The following POU3F3 variants were observed in gnomAD, a reference collection of about 807,000 sequenced individuals.
The protein encoded by POU3F3 is POU class 3 homeobox 3.
A neutral mutation model predicts 8.6 loss-of-function variants in POU3F3; 1 was observed. That is an observed-to-expected ratio of 0.12 (90% CI 0.04 to 0.55). POU3F3 has a LOEUF of 0.55. Ranked by LOEUF, POU3F3 falls within the 20% of genes least tolerant of loss-of-function variation. The pLI is 0.91. For synonymous variants in POU3F3, 418 were observed against 327.4 expected (o/e 1.28, Z -2.99); for missense variants, 577 against 690.7 (o/e 0.84, Z 1.84).
At chr2:104,890,161 G>A in the POU3F3 span, among the ~76,000 whole-genome samples, 1 of 152,148 alleles carries the variant, frequency 6.6e-6, no homozygotes, top group African/African-American at 2.4e-5. Context: ...CGCACTGGGA[G>A]GACAGGGTGG....
At chr2:104,914,475 T>G in the POU3F3 span, among the ~76,000 whole-genome samples, 3 of 152,210 alleles carry the variant, frequency 2.0e-5, no homozygotes, top group Non-Finnish European at 4.4e-5. Context: ...AGACTTCTTT[T>G]TTATGAGGAC....
the POU3F3 span, among the ~76,000 whole-genome samples, chr2:104,907,895 A>T: frequency 6.6e-6 from 1 of 152,252 alleles, no homozygotes; most frequent in African/African-American, 2.4e-5. Context: ...ATAAAGCATG[A>T]TACTATGATA....
chr2:104,910,021 C>G, the POU3F3 span, among the ~76,000 whole-genome samples: 1 of 152,072 alleles, frequency 6.6e-6, no homozygotes, highest in East Asian at 1.9e-4. Flanking sequence ...AACGTCCAAC[C>G]AAGCACTTGA....
chr2:104,896,206 G>A, the POU3F3 span, among the ~76,000 whole-genome samples: 1 of 152,192 alleles, frequency 6.6e-6, no homozygotes, highest in African/African-American at 2.4e-5. Context: ...GTGTTGCTTG[G>A]CCCTCTCATC....
At chr2:104,864,491 G>A in the POU3F3 span, among the ~76,000 whole-genome samples, 4 of 152,292 alleles carry the variant, frequency 2.6e-5, no homozygotes, top group South Asian at 4.1e-4. Flanking sequence ...GAAACCATAA[G>A]TGGAAATATT....
the POU3F3 span, chr2:104,872,667 A>G: frequency 7.5e-6 from 2 of 267,370 alleles, no homozygotes; most frequent in East Asian, 1.3e-4. This position sits in a 1 kb window ranked among gnomAD's most constrained non-coding sequence, Gnocchi z 4.6. Flanking sequence ...GCCCGCGTGC[A>G]GCATTAAATA....
chr2:104,855,316 GGGCGGAGGCGGC>G lies in POU3F3; in HGVS notation c.-186_-175del, dbSNP rs1349001197. Among the ~76,000 whole-genome samples the G allele has an allele frequency of 1.5e-5, 2 of 137,598 alleles. No homozygotes were observed. The highest frequency in any genetic ancestry group is 5.3e-5 in the African/African-American group (2 of 38,010). The allele number at this position is 137,598 out of a possible 152,430, so 90.3% of individuals were successfully genotyped here. A position where few individuals can be genotyped will look rare whatever the true frequency, so the allele number is the denominator to read the frequency against. On this transcript the variant is annotated 5_prime_UTR_variant, in exon 1 of 1. Coordinates refer to ENST00000361360, the MANE Select transcript of POU3F3 (RefSeq NM_006236.3). ...GCCGCGGCGGCGGCGGCGGCGGCGGGGGCGGAGGCGGCGGCGGAGGAGGAGGCGGCGAAGGCG... is the reference window on the plus strand; with the variant it reads ...GCCGCGGCGGCGGCGGCGGCGGCGGGGGCGGAGGAGGAGGCGGCGAAGGCG...
At position 104,855,974 on chromosome 2, in the gene POU3F3, G is replaced by A; in HGVS notation, c.464G>A (p.Arg155His). Residue 155 changes from arginine to histidine, a missense_variant, in exon 1 of 1, where the codon CGC becomes CAC. Physicochemically the swap from Arg to His is conservative, Grantham distance 29 (BLOSUM62 0). This residue lies in a region of POU3F3 where 484 missense variants were observed against 422.6 expected (regional missense o/e 1.15). Transcript: ENST00000361360. Reference sequence around the variant, plus strand: ...CCCGACGTGAAGGGCGGCGCCGGGCGCGACGACCTGCACGCGGGCACAGCG... The same window carrying A: ...CCCGACGTGAAGGGCGGCGCCGGGCACGACGACCTGCACGCGGGCACAGCG... Reference protein sequence around the residue: ...QGPDVKGGAGRDDLHAGTALH... With the variant: ...QGPDVKGGAGHDDLHAGTALH... 1 of 1,037,440 alleles carries A rather than the reference G, an allele frequency of 9.6e-7. No individual in the cohort carries two copies. Among genetic ancestry groups the A allele is most frequent in the South Asian group, 3.1e-5 (1 of 32,096 alleles). The allele number at this position is 1,037,440 out of a possible 1,614,324, so 64.3% of individuals were successfully genotyped here. A position where few individuals can be genotyped will look rare whatever the true frequency, so the allele number is the denominator to read the frequency against.
the POU3F3 span, among the ~76,000 whole-genome samples, chr2:104,925,321 T>A: frequency 1.3e-5 from 2 of 152,134 alleles, no homozygotes; most frequent in Admixed American, 6.5e-5. Flanking sequence ...GAGAATAAGA[T>A]GAGAAGGGTA....
chr2:104,922,711 G>A, the POU3F3 span, among the ~76,000 whole-genome samples: 1 of 152,108 alleles, frequency 6.6e-6, no homozygotes, highest in Admixed American at 6.5e-5. Flanking sequence ...AGTTCCAAAA[G>A]GAGAAAAGAG....
chr2:104,882,918 T>C, the POU3F3 span, among the ~76,000 whole-genome samples: 2 of 152,212 alleles, frequency 1.3e-5, no homozygotes, highest in African/African-American at 4.8e-5. Context: ...AGGATTAGAA[T>C]TGAATACCAG....
the POU3F3 span, among the ~76,000 whole-genome samples, chr2:104,896,746 G>A: frequency 6.6e-6 from 1 of 152,234 alleles, no homozygotes; most frequent in African/African-American, 2.4e-5. Flanking sequence ...TGAAGCCTGA[G>A]TGCTGACCCC....
chr2:104,883,323 G>C, the POU3F3 span, among the ~76,000 whole-genome samples: 1 of 152,222 alleles, frequency 6.6e-6, no homozygotes, highest in Admixed American at 6.5e-5. Context: ...GGGGCTCCAT[G>C]AAACAGCTTA....
At chr2:104,924,677 A>G in the POU3F3 span, among the ~76,000 whole-genome samples, 2 of 152,176 alleles carry the variant, frequency 1.3e-5, no homozygotes, top group Admixed American at 6.5e-5. Context: ...TCAACTCTTC[A>G]TAACCTCATC....
In POU3F3 at chr2:104,857,270, A is replaced by C. The variant is rs1676588510; in HGVS notation, c.*257A>C. 5.1e-6 allele frequency: 1 copy of C among 197,656 alleles called. No homozygotes were observed. The highest frequency in any genetic ancestry group is 9.3e-6 in the Non-Finnish European group (1 of 107,890). The allele number at this position is 197,656 out of a possible 1,614,324, so 12.2% of individuals were successfully genotyped here. A position where few individuals can be genotyped will look rare whatever the true frequency, so the allele number is the denominator to read the frequency against. ...AAGGAGGCATTTTTGCAGTCCAAGG[A>C]AGGAGGGGCCAAAAAATAAAAAGCA... is the stretch of plus-strand genomic sequence containing the variant. On this transcript the variant is annotated 3_prime_UTR_variant, in exon 1 of 1. Transcript: ENST00000361360.
chr2:104,883,984 C>T, the POU3F3 span, among the ~76,000 whole-genome samples: 1 of 152,284 alleles, frequency 6.6e-6, no homozygotes, highest in South Asian at 2.1e-4. Flanking sequence ...GCAACTCTCA[C>T]TTCCCTAGGT....
the POU3F3 span, among the ~76,000 whole-genome samples, chr2:104,879,454 A>G: frequency 6.6e-6 from 1 of 151,668 alleles, no homozygotes; most frequent in Non-Finnish European, 1.5e-5. Context: ...CTTTGTACTT[A>G]TTTTCCTATT....
At chr2:104,903,335 T>A in the POU3F3 span, among the ~76,000 whole-genome samples, 1 of 152,176 alleles carries the variant, frequency 6.6e-6, no homozygotes, top group Non-Finnish European at 1.5e-5. Flanking sequence ...TACCAATTGG[T>A]ACAAAGGCAG....
At chr2:104,894,088 G>A in the POU3F3 span, among the ~76,000 whole-genome samples, 1 of 152,202 alleles carries the variant, frequency 6.6e-6, no homozygotes, top group African/African-American at 2.4e-5. Flanking sequence ...CTGCTAGTCA[G>A]CTCCATGGGC....
Sources: allele counts gnomAD v4.1 joint callset (sites outside exome capture counted in the v4.1 genomes callset), GRCh38; gene constraint gnomAD v4.1.1; regional missense constraint gnomAD v4.1.1; non-coding constraint Gnocchi (gnomAD v3.1); transcripts MANE v1.5; gene names NCBI Gene and HGNC (gene_info 2026-07-23, HGNC 2026-07-21).